Variants in ABCA8 observed in about 807,000 individuals in gnomAD.
ABCA8 encodes the protein ATP binding cassette subfamily A member 8, also known as ABC-type organic anion transporter ABCA8.
A neutral mutation model predicts 192.3 loss-of-function variants in ABCA8; 177 were observed. The observed-to-expected ratio is 0.92, with a 90% CI of 0.81 to 1.04. The LOEUF is 1.04. Among genes scored for constraint, ABCA8 ranks in the 50% least tolerant of loss-of-function variants. The probability of loss-of-function intolerance (pLI) is 0.00; values close to 1 mark genes in which losing one functional copy is unlikely to be tolerated. For synonymous variants in ABCA8, 642 were observed against 690.2 expected (o/e 0.93, Z 1.09); for missense variants, 1,915 against 1,904.8 (o/e 1.01, Z -0.10).
rs71144641 is a variant in ABCA8, at chr17:68,935,262, T to TTGTGTGTGTG, written c.466+1679_466+1688dup. Among the ~76,000 whole-genome samples, 402 of 136,072 alleles carry TTGTGTGTGTG rather than the reference T, an allele frequency of 3.0e-3. 6 individuals carry two copies. The highest frequency in any genetic ancestry group is 0.015 in the East Asian group (71 of 4,686). The allele number at this position is 136,072 out of a possible 152,430, so 89.3% of individuals were successfully genotyped here. On this transcript the variant is annotated intron_variant, in intron 5 of 39. Transcript: ENST00000586539. ...GGCAGACGCTGCCACGCCTGGCTAA[T>TTGTGTGTGTG]TGTGTGTGTGTGTGTGTGTGTGTGT...
At chr17:68,913,011 A>C (rs1317639830) in intron 17 of ABCA8, among the ~76,000 whole-genome samples, 1 of 152,090 alleles carries the variant, frequency 6.6e-6, no homozygotes, top group Non-Finnish European at 1.5e-5. Context: ...ACAAAACAAG[A>C]CTTAAATTTT....
intron 37 of ABCA8, among the ~76,000 whole-genome samples, chr17:68,871,677 T>TACATATATG (rs1234369816): frequency 6.6e-5 from 10 of 152,164 alleles, no homozygotes; most frequent in African/African-American, 2.4e-4. Context: ...AATAATGGAC[T>TACATATATG]ACATATATGA....
At position 68,889,547 on chromosome 17, in the gene ABCA8, G is replaced by A. The variant is rs2066575375; in HGVS notation, c.3144+1942C>T. Among the ~76,000 whole-genome samples, 6 of 151,742 alleles carry A rather than the reference G, an allele frequency of 4.0e-5. No individual in the cohort carries two copies. In the South Asian group the frequency reaches 1.3e-3, roughly 32 times the overall value. The stretch of plus-strand genomic sequence containing the variant: ...TTTCAACAATCTCTTTTTAATTTTG[G>A]GGGGTATAATTCTCAAACAAGAAAA... On this transcript the variant is annotated intron_variant, in intron 24 of 39. Coordinates refer to ENST00000586539, the MANE Select transcript of ABCA8 (RefSeq NM_001288985.2).
chr17:68,882,470 T>A, intron 30 of ABCA8, 129 bp downstream of exon 30: 1 of 745,180 alleles, frequency 1.3e-6, no homozygotes, highest in Middle Eastern at 3.0e-4. Flanking sequence ...AGTCGCTCAT[T>A]TAATCGTAAA....
chr17:68,923,408 C>T (rs1000057253), intron 11 of ABCA8, among the ~76,000 whole-genome samples: 8 of 152,048 alleles, frequency 5.3e-5, no homozygotes, highest in Admixed American at 5.2e-4. Flanking sequence ...CCATGTTGCT[C>T]AAGCTGGTCT....
At chr17:68,882,803 G>A in intron 29 of ABCA8, 84 bp from the exon 30 acceptor site, 1 of 1,333,584 alleles carries the variant, frequency 7.5e-7, no homozygotes, top group Non-Finnish European at 1.0e-6. Context: ...ATATGTTTGA[G>A]TAGTACGAGC....
intron 17 of ABCA8, among the ~76,000 whole-genome samples, chr17:68,914,510 C>T (rs1365378217): frequency 6.6e-6 from 1 of 151,946 alleles, no homozygotes; most frequent in African/African-American, 2.4e-5. Context: ...AGCAAGCAAG[C>T]TGAAAAAGAA....
At chr17:68,952,750 G>A (rs73364060) in intron 1 of ABCA8, among the ~76,000 whole-genome samples, 9,465 of 152,114 alleles carry the variant, frequency 0.062, 941 homozygotes, top group African/African-American at 0.21. Context: ...TACAGAGAGT[G>A]GCATTATACT....
At chr17:68,909,248 A>T (rs1456061168) in intron 17 of ABCA8, among the ~76,000 whole-genome samples, 1 of 152,196 alleles carries the variant, frequency 6.6e-6, no homozygotes, top group African/African-American at 2.4e-5. Context: ...AATGTGTACT[A>T]GATAGTAAAT....
chr17:68,954,776 T>C (rs1365117694), intron 1 of ABCA8, among the ~76,000 whole-genome samples: 5 of 152,194 alleles, frequency 3.3e-5, no homozygotes, highest in African/African-American at 9.7e-5. Flanking sequence ...GTAAGTGCTC[T>C]TGGTAAACAG....
intron 37 of ABCA8, among the ~76,000 whole-genome samples, chr17:68,872,795 A>C (rs1453229122): frequency 6.6e-6 from 1 of 152,010 alleles, no homozygotes; most frequent in Non-Finnish European, 1.5e-5. Flanking sequence ...AAAAATGTTA[A>C]GTAGAAAAAA....
At position 68,945,646 on chromosome 17, in the gene ABCA8, G is replaced by A. The variant is rs990034196; in HGVS notation, c.-5-3607C>T. Among the ~76,000 whole-genome samples the A allele has an allele frequency of 2.6e-5, 4 of 152,256 alleles. No homozygotes were observed. In the East Asian group the frequency reaches 5.8e-4, roughly 22 times the overall value. On this transcript the variant is annotated intron_variant, in intron 2 of 39. Transcript: ENST00000586539. ...GTTTATTTTTGTGTAAGACCTAAGAGAGTGACCTAAGTCGTTGGTGATGAG... is the reference window on the plus strand; with the variant it reads ...GTTTATTTTTGTGTAAGACCTAAGAAAGTGACCTAAGTCGTTGGTGATGAG...
intron 37 of ABCA8, among the ~76,000 whole-genome samples, chr17:68,872,534 A>T (rs2066089612): frequency 6.6e-6 from 1 of 151,698 alleles, no homozygotes; most frequent in Admixed American, 6.6e-5. Flanking sequence ...ATATGTAACT[A>T]ACCTGCACAA....
intron 21 of ABCA8, among the ~76,000 whole-genome samples, chr17:68,901,078 T>A (rs1274379123): frequency 6.6e-6 from 1 of 152,212 alleles, no homozygotes; most frequent in African/African-American, 2.4e-5. Context: ...AAAGCAGTGT[T>A]ATTTTGTTCA....
Position 68,900,293 on chromosome 17 carries a change from G to T in ABCA8, c.2764+2420C>A, listed in dbSNP as rs114927808. On this transcript the variant is annotated intron_variant, in intron 21 of 39. Coordinates refer to ENST00000586539, the MANE Select transcript of ABCA8 (RefSeq NM_001288985.2). Reference sequence around the variant, plus strand: ...TGAATACCAGTCTTACAGATTAAAAGGATTAAAATGGAATATGTTTGTGTA... The same window carrying T: ...TGAATACCAGTCTTACAGATTAAAATGATTAAAATGGAATATGTTTGTGTA... 8.3e-3 allele frequency among the ~76,000 whole-genome samples: 1,258 copies of T among 151,936 alleles called. 19 individuals are homozygous for T. The highest frequency in any genetic ancestry group is 0.027 in the African/African-American group (1,140 of 41,476).
At position 68,942,016 on chromosome 17, in the gene ABCA8, T is replaced by C; in HGVS notation, c.19A>G (p.Ser7Gly). 1 of 1,611,960 alleles carries C rather than the reference T, an allele frequency of 6.2e-7. No individual in the cohort carries two copies. Among genetic ancestry groups the C allele is most frequent in the South Asian group, 1.1e-5 (1 of 90,702 alleles). The change falls in exon 3 of 40, where the codon AGT (serine) becomes GGT (glycine). Residue 7 changes from serine to glycine, a missense_variant. Physicochemically the swap from Ser to Gly is moderately conservative, Grantham distance 56. Transcript: ENST00000586539. ...AAGGCCCAAGTTTGTTGACACACAC[T>C]GATCTTTCTCTTCCTCATCTTGTCT... MRKRKI[S>G]VCQQTWALLC...
rs187218161 is a variant in ABCA8 at position 68,893,395 on chromosome 17, C to A, written c.3036+778G>T. On this transcript the variant is annotated intron_variant, in intron 23 of 39. Transcript: ENST00000586539. Reference sequence around the variant, plus strand: ...AAGAATAGATTCCCTCCTTTCACCACCCCCATGAGGAAAAGTGGTTTGATT... The same window carrying A: ...AAGAATAGATTCCCTCCTTTCACCAACCCCATGAGGAAAAGTGGTTTGATT... 2.3e-3 allele frequency among the ~76,000 whole-genome samples: 348 copies of A among 152,252 alleles called. 7 individuals are homozygous for A. Among genetic ancestry groups the A allele is most frequent in the Non-Finnish European group, 6.8e-4 (46 of 68,010 alleles).
At chr17:68,903,609 C>T (rs976591286) in intron 19 of ABCA8, 110 bp from the exon 20 acceptor site, 29 of 984,834 alleles carry the variant, frequency 2.9e-5, no homozygotes, top group South Asian at 1.1e-4. Context: ...ATAGGTATAA[C>T]GTGGTTTTGC....
chr17:68,946,647 A>G (rs1354965874), intron 2 of ABCA8, among the ~76,000 whole-genome samples: 1 of 152,126 alleles, frequency 6.6e-6, no homozygotes, highest in African/African-American at 2.4e-5. Flanking sequence ...GCAAGAAATT[A>G]TATTGTATTG....
Sources: gnomAD v4.1 joint callset for allele counts (sites outside exome capture counted in the v4.1 genomes callset) on GRCh38, gnomAD v4.1.1 for gene constraint, MANE v1.5 for transcripts, NCBI Gene and HGNC (gene_info 2026-07-23, HGNC 2026-07-21) for gene names.